IFNGR1: variants seen among roughly 807,000 people sequenced by gnomAD.
IFNGR1 encodes interferon gamma receptor 1.
Under a neutral mutation model 35.4 loss-of-function variants are expected in IFNGR1, and 23 were observed. The ratio of observed to expected loss-of-function variants is 0.65; its 90% CI spans 0.47 to 0.92. The LOEUF (loss-of-function observed/expected upper bound fraction) is 0.92. Among genes scored for constraint, IFNGR1 ranks in the 40% least tolerant of loss-of-function variants. The pLI, the probability that IFNGR1 is intolerant of heterozygous loss-of-function variation, is 0.00. For synonymous variants in IFNGR1, 199 were observed against 209.5 expected, an observed-to-expected ratio of 0.95 and a Z score of 0.43; for missense variants, 533 against 583.4, an observed-to-expected ratio of 0.91 and a Z score of 0.89.
intron 1 of IFNGR1, among the ~76,000 whole-genome samples, chr6:137,208,614 A>G (rs953272620): frequency 2.6e-5 from 4 of 152,214 alleles, no homozygotes; most frequent in African/African-American, 7.2e-5. Flanking sequence ...CAGCTTCCAC[A>G]TGGTGTTGAG....
chr6:137,204,467 C>G lies in IFNGR1; in HGVS notation c.411G>C (p.Glu137Asp), dbSNP rs746829359. The change falls in exon 4 of 7, where the codon GAG becomes GAC. Residue 137 changes from glutamate to aspartate, a missense_variant. By Grantham distance (45) the Glu-to-Asp change is conservative (BLOSUM62 2). Transcript: ENST00000367739. ...IGPPKLDIRK[E>D]EKQIMIDIFH... ...ATATGTCAATCATGATTTGCTTCTC[C>G]TCCTTTCTGATATCCAGTTTAGGTG... 5.0e-6 allele frequency: 8 copies of G among 1,613,990 alleles called. No individual in the cohort carries two copies. Among genetic ancestry groups the G allele is most frequent in the Non-Finnish European group, 6.8e-6 (8 of 1,179,870 alleles).
intron 2 of IFNGR1, 142 bp downstream of exon 2, chr6:137,206,821 C>A: frequency 3.1e-6 from 2 of 644,074 alleles, no homozygotes; most frequent in South Asian, 1.9e-5. Context: ...AAAGAATTTG[C>A]ATCTTTAGTA....
chr6:137,208,248 A>T lies in IFNGR1; in HGVS notation c.86-1171T>A, dbSNP rs774608566. ...CAGTTTTATAAGGGAAGCAGAGCAT[A>T]AAAGTTTGGAAAATTTGCAGCCTGA... On this transcript the variant is annotated intron_variant, in intron 1 of 6. Transcript: ENST00000367739. Among the ~76,000 whole-genome samples the T allele has an allele frequency of 2.6e-5, 4 of 152,242 alleles. No homozygotes were observed. In the East Asian group the frequency reaches 7.7e-4, roughly 29 times the overall value.
intron 1 of IFNGR1, among the ~76,000 whole-genome samples, chr6:137,213,365 G>A (rs905031606): frequency 6.6e-6 from 1 of 152,174 alleles, no homozygotes; most frequent in Admixed American, 6.5e-5. Context: ...ATTATTTAGT[G>A]TATTACATCT....
chr6:137,212,101 T>C (rs544070958), intron 1 of IFNGR1, among the ~76,000 whole-genome samples: 1 of 152,274 alleles, frequency 6.6e-6, no homozygotes, highest in East Asian at 1.9e-4. Flanking sequence ...AGCACTCTGG[T>C]TAGAAACCTC....
chr6:137,218,403 G>A (rs1472508824), intron 1 of IFNGR1: 1 of 911,654 alleles, frequency 1.1e-6, no homozygotes, highest in Non-Finnish European at 1.6e-6. Context: ...TCAATAAGCA[G>A]GTGGAAATAA....
At position 137,198,252 on chromosome 6, in the gene IFNGR1, T is replaced by C. The variant is rs1177852620; in HGVS notation, c.1249A>G (p.Ser417Gly). The change falls in exon 7 of 7, where the codon AGC becomes GGC. Residue 417 changes from serine (S) to glycine (G), a missense_variant. Coordinates refer to ENST00000367739, the MANE Select transcript of IFNGR1 (RefSeq NM_000416.3). ...HSRNGFDTDS[S>G]CLESHSSLSD... ...AAGGAGCTATGTGATTCCAGACAGC[T>C]GGAATCAGTATCAAAACCATTTCTG... is the stretch of plus-strand genomic sequence containing the variant. 1 of 1,613,486 alleles carries C rather than the reference T, an allele frequency of 6.2e-7. No homozygotes were observed. The highest frequency in any genetic ancestry group is 1.3e-5 in the African/African-American group (1 of 74,506).
In IFNGR1 at chr6:137,204,369, C is replaced by T; in HGVS notation, c.509G>A (p.Arg170Lys). ...DYDPETTCYIRVYNVYVRMNG... is the reference protein window; with the variant it reads ...DYDPETTCYIKVYNVYVRMNG... ...CATTCTCACATACACATTGTACACCCTAATGTAACAGGTAGTTTCGGGATC... is the reference window on the plus strand; with the variant it reads ...CATTCTCACATACACATTGTACACCTTAATGTAACAGGTAGTTTCGGGATC... The change falls in exon 4 of 7, where the codon AGG (arginine) becomes AAG (lysine). Residue 170 changes from arginine to lysine, a missense_variant. Transcript: ENST00000367739. The T allele has an allele frequency of 6.2e-7, 1 of 1,613,940 alleles. No individual in the cohort carries two copies. The highest frequency in any genetic ancestry group is 2.2e-5 in the East Asian group (1 of 44,856).
intron 1 of IFNGR1, chr6:137,209,874 A>G (rs904396106): frequency 5.0e-6 from 2 of 398,702 alleles, no homozygotes; most frequent in Non-Finnish European, 8.8e-6. Context: ...ATGGAGCCAC[A>G]CATTCCAGTT....
At chr6:137,199,383 A>G (rs1053229615) in intron 6 of IFNGR1, among the ~76,000 whole-genome samples, 2 of 129,002 alleles carry the variant, frequency 1.6e-5, no homozygotes, top group Non-Finnish European at 3.1e-5. Flanking sequence ...AATATAATTT[A>G]TATTACATAA....
chr6:137,211,678 T>C (rs1466249616), intron 1 of IFNGR1, among the ~76,000 whole-genome samples: 1 of 152,206 alleles, frequency 6.6e-6, no homozygotes, highest in Non-Finnish European at 1.5e-5. Flanking sequence ...AGAGTTCCCA[T>C]GGCCATTCAT....
chr6:137,219,130 G>T, intron 1 of IFNGR1, 113 bp downstream of exon 1: 2 of 1,389,676 alleles, frequency 1.4e-6, no homozygotes, highest in Non-Finnish European at 2.0e-6. Context: ...CCCGACGCAG[G>T]GGTCCCGGGC....
chr6:137,217,039 AT>A (rs910208874), intron 1 of IFNGR1, among the ~76,000 whole-genome samples: 10 of 152,358 alleles, frequency 6.6e-5, no homozygotes, highest in Non-Finnish European at 1.0e-4. Context: ...AGGGCCCCGT[AT>A]TCAGAAGGAA....
chr6:137,212,111 C>A (rs2114505656), intron 1 of IFNGR1, among the ~76,000 whole-genome samples: 1 of 152,298 alleles, frequency 6.6e-6, no homozygotes, highest in African/African-American at 2.4e-5. Flanking sequence ...TTAGAAACCT[C>A]CTGAGCTAGA....
intron 1 of IFNGR1, chr6:137,218,529 C>A: frequency 3.1e-6 from 4 of 1,289,142 alleles, no homozygotes; most frequent in Non-Finnish European, 4.0e-6. Context: ...TACTTCTCAG[C>A]TGCCACTTAC....
intron 5 of IFNGR1, among the ~76,000 whole-genome samples, chr6:137,202,726 T>C (rs1308767673): frequency 1.3e-5 from 2 of 152,090 alleles, no homozygotes; most frequent in African/African-American, 4.8e-5. Context: ...TATGATCATG[T>C]CTATGTAGAA....
chr6:137,210,021 A>G, intron 1 of IFNGR1: 1 of 396,438 alleles, frequency 2.5e-6, no homozygotes, highest in Non-Finnish European at 4.4e-6. Flanking sequence ...AAGTCATTTT[A>G]ACATCTAATC....
Position 137,206,141 on chromosome 6 carries a change from C to T in IFNGR1, c.368G>A (p.Arg123Gln), listed in dbSNP as rs146914620. ...TGTGTACACATTCTACTCACCATCT[C>T]GGCATACAGCAAATTCTTCTGACTT... ...YAKSEEFAVC[R>Q]DGKIGPPKLD... is the part of the protein sequence containing the mutation. Residue 123 changes from arginine (R) to glutamine (Q), a missense_variant, in exon 3 of 7, where the codon CGA (arginine) becomes CAA (glutamine). By Grantham distance (43) the Arg-to-Gln change is conservative. Coordinates refer to ENST00000367739, the MANE Select transcript of IFNGR1 (RefSeq NM_000416.3). 34 of 1,613,294 alleles carry T rather than the reference C, an allele frequency of 2.1e-5. No individual in the cohort carries two copies. The highest frequency in any genetic ancestry group is 2.5e-5 in the Non-Finnish European group (30 of 1,179,330).
At chr6:137,218,329 C>T in intron 1 of IFNGR1, 1 of 450,288 alleles carries the variant, frequency 2.2e-6, no homozygotes, top group Non-Finnish European at 4.4e-6. Context: ...TTCTCTGGAG[C>T]TCGTAATCAC....
Sources: gnomAD v4.1 joint callset for allele counts (sites outside exome capture counted in the v4.1 genomes callset) on GRCh38, gnomAD v4.1.1 for gene constraint, MANE v1.5 for transcripts, NCBI Gene and HGNC (gene_info 2026-07-23, HGNC 2026-07-21) for gene names.